Variants in SOX6 observed in about 807,000 individuals in gnomAD.
The protein encoded by SOX6 is SRY-box transcription factor 6, also known as transcription factor SOX-6.
A neutral mutation model predicts 97.8 loss-of-function variants in SOX6; 11 were observed. The ratio of observed to expected loss-of-function variants is 0.11; its 90% CI spans 0.07 to 0.19. The LOEUF (loss-of-function observed/expected upper bound fraction) is 0.19, where lower values mean the gene tolerates loss of function less well. Among genes scored for constraint, SOX6 ranks in the 10% least tolerant of loss-of-function variants. The pLI is 1.00. For missense variants in SOX6, 810 were observed against 1,039.5 expected, an observed-to-expected ratio of 0.78 and a Z score of 3.04; for synonymous variants, 360 against 371.4, an observed-to-expected ratio of 0.97 and a Z score of 0.35.
chr11:16,279,389 AT>A (rs1284011180), intron 3 of SOX6, among the ~76,000 whole-genome samples: 1 of 152,066 alleles, frequency 6.6e-6, no homozygotes, highest in Non-Finnish European at 1.5e-5. Flanking sequence ...TAAATCAATA[AT>A]TCTCTTCCTC....
At chr11:16,184,454 A>G (rs1042814109) in intron 5 of SOX6, among the ~76,000 whole-genome samples, 5 of 152,170 alleles carry the variant, frequency 3.3e-5, no homozygotes, top group Admixed American at 2.6e-4. Flanking sequence ...GACACAGCAA[A>G]AAGTAAAAAA....
At chr11:16,028,113 G>T (rs1244658928) in intron 12 of SOX6, among the ~76,000 whole-genome samples, 3 of 152,218 alleles carry the variant, frequency 2.0e-5, no homozygotes, top group African/African-American at 7.2e-5. Context: ...CCGTGAAGAG[G>T]TTAGCATGCT....
intron 3 of SOX6, among the ~76,000 whole-genome samples, chr11:16,684,805 G>C (rs545327732): frequency 6.6e-6 from 1 of 152,276 alleles, no homozygotes; most frequent in East Asian, 1.9e-4. Context: ...ATCTGAAACT[G>C]TGTAATTTAT....
chr11:16,640,107 T>A (rs941708900), intron 3 of SOX6, among the ~76,000 whole-genome samples: 1 of 152,070 alleles, frequency 6.6e-6, no homozygotes, highest in Non-Finnish European at 1.5e-5. Flanking sequence ...TTATTGAGAG[T>A]TTTTAGTATG....
At chr11:16,587,299 T>C (rs971979418) in intron 4 of SOX6, among the ~76,000 whole-genome samples, 4 of 152,214 alleles carry the variant, frequency 2.6e-5, no homozygotes, top group Non-Finnish European at 4.4e-5. Context: ...TTTTCCTTTC[T>C]AAACCTTAAG....
chr11:16,110,900 T>C (rs1849213312), intron 7 of SOX6, among the ~76,000 whole-genome samples: 1 of 152,222 alleles, frequency 6.6e-6, no homozygotes, highest in Non-Finnish European at 1.5e-5. Flanking sequence ...AAGAAACTGC[T>C]GCACGCAGAT....
At chr11:16,471,521 T>C (rs1860142995) in intron 1 of SOX6, among the ~76,000 whole-genome samples, 1 of 152,192 alleles carries the variant, frequency 6.6e-6, no homozygotes, top group Admixed American at 6.5e-5. Context: ...CCTTAGATCA[T>C]GTAGCAAATA....
At chr11:16,673,678 C>A (rs573343748) in intron 3 of SOX6, among the ~76,000 whole-genome samples, 1 of 152,060 alleles carries the variant, frequency 6.6e-6, no homozygotes, top group East Asian at 1.9e-4. Flanking sequence ...ATTTAAAGAA[C>A]TAATATCAAT....
At chr11:16,291,162 G>A (rs928768033) in intron 3 of SOX6, among the ~76,000 whole-genome samples, 1 of 148,526 alleles carries the variant, frequency 6.7e-6, no homozygotes, top group Non-Finnish European at 1.5e-5. Flanking sequence ...GAAGATAGGG[G>A]GATAATATGG....
chr11:16,000,897 C>T (rs1157539325), intron 13 of SOX6, among the ~76,000 whole-genome samples: 2 of 152,038 alleles, frequency 1.3e-5, no homozygotes, highest in Non-Finnish European at 2.9e-5. Context: ...CACTCTGTCA[C>T]CCAGGCTGGA....
At chr11:16,553,857 T>C (rs1049944980) in intron 4 of SOX6, among the ~76,000 whole-genome samples, 3 of 152,142 alleles carry the variant, frequency 2.0e-5, no homozygotes, top group African/African-American at 7.2e-5. Flanking sequence ...TCCAACACCA[T>C]TTCATCAACA....
At chr11:16,488,738 G>A (rs1353562223) in intron 4 of SOX6, among the ~76,000 whole-genome samples, 1 of 152,214 alleles carries the variant, frequency 6.6e-6, no homozygotes, top group East Asian at 1.9e-4. Context: ...CAAAAACAAA[G>A]AAACAAAGAG....
chr11:16,156,787 C>A (rs768577902), intron 6 of SOX6, among the ~76,000 whole-genome samples: 9 of 151,966 alleles, frequency 5.9e-5, no homozygotes, highest in Non-Finnish European at 5.9e-5. Flanking sequence ...ATCCATGTCT[C>A]CTGCATTCAA....
intron 4 of SOX6, among the ~76,000 whole-genome samples, chr11:16,600,681 T>C (rs1405370724): frequency 1.3e-5 from 2 of 152,356 alleles, no homozygotes; most frequent in South Asian, 2.1e-4. Flanking sequence ...TTTTGAACTA[T>C]TTCCAGTTTG....
At chr11:16,568,019 T>C (rs1204777462) in intron 4 of SOX6, among the ~76,000 whole-genome samples, 1 of 152,068 alleles carries the variant, frequency 6.6e-6, no homozygotes, top group Admixed American at 6.5e-5. Context: ...GCTAAGATAG[T>C]GACACTTTCG....
chr11:16,181,595 C>T (rs1203728951), intron 6 of SOX6, among the ~76,000 whole-genome samples: 2 of 150,198 alleles, frequency 1.3e-5, no homozygotes, highest in African/African-American at 4.9e-5. Context: ...ATGTCAAATA[C>T]CTGTTTTGTA....
chr11:16,463,308 G>GTTTCT (rs1859967432), intron 1 of SOX6, among the ~76,000 whole-genome samples: 1 of 152,014 alleles, frequency 6.6e-6, no homozygotes, highest in African/African-American at 2.4e-5. Flanking sequence ...CTATACATCA[G>GTTTCT]GCACTGTGCT....
At chr11:16,730,260 C>T (rs981609523) in intron 2 of SOX6, among the ~76,000 whole-genome samples, 11 of 152,124 alleles carry the variant, frequency 7.2e-5, no homozygotes, top group Non-Finnish European at 1.5e-4. Context: ...TGGACATCTA[C>T]AGAACTCTCC....
intron 1 of SOX6, among the ~76,000 whole-genome samples, chr11:16,427,862 G>A (rs1339528208): frequency 6.6e-6 from 1 of 152,142 alleles, no homozygotes; most frequent in Non-Finnish European, 1.5e-5. Context: ...GGATGGCTAG[G>A]TCAAATGGTA....
Sources: allele counts gnomAD v4.1 joint callset (sites outside exome capture counted in the v4.1 genomes callset), GRCh38; gene constraint gnomAD v4.1.1; transcripts MANE v1.5; gene names NCBI Gene and HGNC (gene_info 2026-07-23, HGNC 2026-07-21).